Variants in SAMD12 observed in about 807,000 individuals in gnomAD.
SAMD12 encodes sterile alpha motif domain-containing protein 12.
SAMD12 carries 9 observed loss-of-function variants against 15.0 expected under a neutral mutation model. That is an observed-to-expected ratio of 0.60 (90% CI 0.36 to 1.05). The LOEUF is 1.05. SAMD12 is among the 50% of genes least tolerant of loss of function. The probability of loss-of-function intolerance (pLI) is 0.01; values close to 1 mark genes in which losing one functional copy is unlikely to be tolerated. For missense variants in SAMD12, 230 were observed against 234.2 expected, an observed-to-expected ratio of 0.98 and a Z score of 0.12; for synonymous variants, 86 against 90.1, an observed-to-expected ratio of 0.96 and a Z score of 0.25.
chr8:118,180,822 A>G, the SAMD12 span, among the ~76,000 whole-genome samples: 1 of 151,022 alleles, frequency 6.6e-6, no homozygotes, highest in Non-Finnish European at 1.5e-5. Flanking sequence ...TGACCTCCCA[A>G]GGTACTGGGA....
chr8:118,283,976 C>T (rs1250576056), intron 4 of SAMD12, among the ~76,000 whole-genome samples: 4 of 152,186 alleles, frequency 2.6e-5, no homozygotes, highest in Non-Finnish European at 5.9e-5. Context: ...CTAGAATAAA[C>T]TGTATCACAT....
chr8:118,308,354 T>G (rs1362746434), intron 4 of SAMD12, among the ~76,000 whole-genome samples: 1 of 152,194 alleles, frequency 6.6e-6, no homozygotes. Context: ...ACTTACTGTA[T>G]GAGCACTTAT....
At chr8:118,156,962 T>C in the SAMD12 span, among the ~76,000 whole-genome samples, 6 of 152,132 alleles carry the variant, frequency 3.9e-5, no homozygotes, top group Admixed American at 3.3e-4. Flanking sequence ...CTATGGAAAT[T>C]AGAAGGGTTG....
At chr8:118,523,760 G>T (rs1424789513) in intron 2 of SAMD12, among the ~76,000 whole-genome samples, 1 of 151,998 alleles carries the variant, frequency 6.6e-6, no homozygotes, top group Non-Finnish European at 1.5e-5. Context: ...ATCACTCATG[G>T]TCCCTTCTGT....
intron 2 of SAMD12, among the ~76,000 whole-genome samples, chr8:118,459,710 T>C (rs1045938093): frequency 6.6e-6 from 1 of 152,200 alleles, no homozygotes; most frequent in African/African-American, 2.4e-5. Context: ...TTAAAAATGA[T>C]GACATTTTAT....
At position 118,539,175 on chromosome 8, in the gene SAMD12, A is replaced by G. The variant is rs572740563; in HGVS notation, c.192+41540T>C. ...GAAGTGCCTTGGCATTGCTGATCAT[A>G]TATAGATATACCTGCCAAGATCTGC... On this transcript the variant is annotated intron_variant, in intron 2 of 3. Coordinates refer to ENST00000314727, the MANE Select transcript of SAMD12 (RefSeq NM_207506.3). Among the ~76,000 whole-genome samples, 16 of 152,352 alleles carry G rather than the reference A, an allele frequency of 1.1e-4. No homozygotes were observed. The South Asian group carries it at 2.9e-3, about 28-fold the overall frequency.
chr8:118,325,379 A>G (rs956262184), intron 4 of SAMD12, among the ~76,000 whole-genome samples: 1 of 152,188 alleles, frequency 6.6e-6, no homozygotes, highest in African/African-American at 2.4e-5. Context: ...GAGGGGAGAG[A>G]GTGAGAAGGA....
At chr8:118,344,796 C>A (rs572747330) in intron 4 of SAMD12, among the ~76,000 whole-genome samples, 1 of 152,082 alleles carries the variant, frequency 6.6e-6, no homozygotes, top group Non-Finnish European at 1.5e-5. Context: ...CTTGGATGTA[C>A]GGTCACATGC....
At position 118,478,804 on chromosome 8, in the gene SAMD12, G is replaced by C. The variant is rs181566424; in HGVS notation, c.193-38843C>G. 3.6e-3 allele frequency among the ~76,000 whole-genome samples: 552 copies of C among 152,290 alleles called. 1 individual carries two copies. The highest frequency in any genetic ancestry group is 0.013 in the African/African-American group (527 of 41,550). On this transcript the variant is annotated intron_variant, in intron 2 of 3. Transcript: ENST00000314727. ...TGATCTGCTTTTCATGATCTGTGCTGTTTCTCCCCAGCAGTGAGTGGGAGC... is the reference window on the plus strand; with the variant it reads ...TGATCTGCTTTTCATGATCTGTGCTCTTTCTCCCCAGCAGTGAGTGGGAGC...
intron 2 of SAMD12, among the ~76,000 whole-genome samples, chr8:118,509,867 C>T (rs1301824025): frequency 6.6e-6 from 1 of 152,144 alleles, no homozygotes; most frequent in Admixed American, 6.5e-5. Flanking sequence ...CATGATTGTA[C>T]TCTAAAGCAT....
chr8:118,203,624 G>A (rs1165567200), intron 4 of SAMD12, among the ~76,000 whole-genome samples: 1 of 151,210 alleles, frequency 6.6e-6, no homozygotes, highest in Non-Finnish European at 1.5e-5. Context: ...AAGTTCTAGG[G>A]TACATGTGCA....
chr8:118,193,624 T>C (rs1819469446), exon 5 of SAMD12: 1 of 152,170 alleles, frequency 6.6e-6, no homozygotes, highest in Non-Finnish European at 1.5e-5. Flanking sequence ...CACTGCTTTT[T>C]GGGCAACAAA....
At chr8:118,335,671 A>G (rs1817022000) in intron 4 of SAMD12, among the ~76,000 whole-genome samples, 1 of 152,196 alleles carries the variant, frequency 6.6e-6, no homozygotes, top group Non-Finnish European at 1.5e-5. Context: ...TGGCACCAGG[A>G]ATGCAATATG....
intron 2 of SAMD12, among the ~76,000 whole-genome samples, chr8:118,562,917 T>C (rs537749760): frequency 8.5e-5 from 13 of 152,242 alleles, no homozygotes; most frequent in African/African-American, 3.1e-4. Context: ...GTCATCTTCA[T>C]GGAGATTGCC....
At chr8:118,446,510 T>G (rs1218798269) in intron 2 of SAMD12, among the ~76,000 whole-genome samples, 1 of 152,210 alleles carries the variant, frequency 6.6e-6, no homozygotes, top group African/African-American at 2.4e-5. Context: ...TTAAAATGAT[T>G]ATTTTTTCTT....
At chr8:118,531,236 T>A (rs2131119108) in intron 2 of SAMD12, among the ~76,000 whole-genome samples, 1 of 152,332 alleles carries the variant, frequency 6.6e-6, no homozygotes, top group Non-Finnish European at 1.5e-5. Context: ...ATCAGATGGT[T>A]GTAGATATGT....
At chr8:118,234,445 T>C (rs948805645) in intron 4 of SAMD12, among the ~76,000 whole-genome samples, 5 of 152,050 alleles carry the variant, frequency 3.3e-5, no homozygotes, top group African/African-American at 4.8e-5. Context: ...TGATGTGGCA[T>C]TTAAGTAATA....
intron 3 of SAMD12, among the ~76,000 whole-genome samples, chr8:118,398,148 T>C (rs1366730365): frequency 6.6e-6 from 1 of 152,182 alleles, no homozygotes; most frequent in Non-Finnish European, 1.5e-5. Context: ...ATGCCTATAA[T>C]ACCAGCACTT....
intron 4 of SAMD12, among the ~76,000 whole-genome samples, chr8:118,263,441 G>C (rs1411764295): frequency 1.3e-5 from 2 of 151,984 alleles, no homozygotes; most frequent in Non-Finnish European, 2.9e-5. Flanking sequence ...AAACTCTTCA[G>C]ACACACGTTT....
Sources: gnomAD v4.1 joint callset for allele counts (sites outside exome capture counted in the v4.1 genomes callset) on GRCh38, gnomAD v4.1.1 for gene constraint, MANE v1.5 for transcripts, NCBI Gene and HGNC (gene_info 2026-07-23, HGNC 2026-07-21) for gene names.